Variants in HS6ST2 observed in about 807,000 individuals in gnomAD.
HS6ST2 encodes heparan-sulfate 6-O-sulfotransferase 2.
HS6ST2 carries 17 observed loss-of-function variants against 33.0 expected under a neutral mutation model. The observed-to-expected ratio is 0.52, with a 90% CI of 0.35 to 0.77. The LOEUF is 0.77. HS6ST2 is among the 30% of genes least tolerant of loss of function. The pLI, the probability that HS6ST2 is intolerant of heterozygous loss-of-function variation, is 0.01. For synonymous variants in HS6ST2, 248 were observed against 237.1 expected, an observed-to-expected ratio of 1.05 and a Z score of -0.42; for missense variants, 519 against 551.7, an observed-to-expected ratio of 0.94 and a Z score of 0.59.
intron 2 of HS6ST2, among the ~76,000 whole-genome samples, chrX:132,721,985 G>A (rs1219328546): frequency 2.7e-5 from 3 of 109,743 alleles, no homozygotes; most frequent in Non-Finnish European, 3.8e-5. Context: ...TCAGGAGATC[G>A]AGACCATCTT....
rs148621557 is a variant in HS6ST2, at chrX:132,923,557, A to G, written c.947+33251T>C. 5.4e-3 allele frequency among the ~76,000 whole-genome samples: 609 copies of G among 112,047 alleles called. 2 individuals are homozygous for G. Among genetic ancestry groups the G allele is most frequent in the East Asian group, 0.028 (100 of 3,585 alleles). Reference sequence around the variant, plus strand: ...CCCCAGTGATGTATTTTCTGGCAATATATTTATATTTACAAAACCATAGAC... The same window carrying G: ...CCCCAGTGATGTATTTTCTGGCAATGTATTTATATTTACAAAACCATAGAC... On this transcript the variant is annotated intron_variant, in intron 2 of 4. Transcript: ENST00000370833.
At chrX:132,787,212 TACAC>T (rs1445032716) in intron 2 of HS6ST2, among the ~76,000 whole-genome samples, 3 of 88,512 alleles carry the variant, frequency 3.4e-5, no homozygotes, top group African/African-American at 1.3e-4. Context: ...CATATATATA[TACAC>T]ATATATATAT....
intron 2 of HS6ST2, among the ~76,000 whole-genome samples, chrX:132,835,962 C>T (rs1469119801): frequency 9.0e-6 from 1 of 111,561 alleles, no homozygotes; most frequent in Non-Finnish European, 1.9e-5. Flanking sequence ...TTTCCTGTTT[C>T]GATGCCTCAC....
At chrX:132,729,933 C>T (rs1321853625) in intron 2 of HS6ST2, among the ~76,000 whole-genome samples, 1 of 109,730 alleles carries the variant, frequency 9.1e-6, no homozygotes, top group Non-Finnish European at 1.9e-5. Context: ...GTTCTTGAGG[C>T]TCTAGGTGGT....
chrX:132,859,957 T>C (rs897121733), intron 2 of HS6ST2, among the ~76,000 whole-genome samples: 1 of 109,526 alleles, frequency 9.1e-6, no homozygotes, highest in East Asian at 2.9e-4. Flanking sequence ...AATGGCTCCT[T>C]ATATCCATAC....
intron 3 of HS6ST2, among the ~76,000 whole-genome samples, chrX:132,677,583 G>A (rs992144297): frequency 8.9e-6 from 1 of 112,172 alleles, no homozygotes; most frequent in Non-Finnish European, 1.9e-5. Flanking sequence ...ACTGACTGAC[G>A]CAAACTAGGT....
intron 2 of HS6ST2, among the ~76,000 whole-genome samples, chrX:132,762,628 C>T (rs2064812574): frequency 9.0e-6 from 1 of 111,209 alleles, no homozygotes; most frequent in East Asian, 2.8e-4. Flanking sequence ...GGGACAGGGA[C>T]AAGAATGGCA....
chrX:132,846,257 T>G (rs149773334), intron 2 of HS6ST2, among the ~76,000 whole-genome samples: 1 of 112,201 alleles, frequency 8.9e-6, no homozygotes, highest in Admixed American at 9.4e-5. Context: ...GGATCAAAAA[T>G]TGCACATTTG....
chrX:132,782,603 C>T (rs1240762537), intron 2 of HS6ST2, among the ~76,000 whole-genome samples: 2 of 111,270 alleles, frequency 1.8e-5, no homozygotes, highest in Non-Finnish European at 3.8e-5. Context: ...TGCTGGATTC[C>T]TTTTGGGAGT....
At chrX:132,943,554 A>C (rs1295003382) in intron 2 of HS6ST2, among the ~76,000 whole-genome samples, 1 of 111,308 alleles carries the variant, frequency 9.0e-6, no homozygotes, top group Non-Finnish European at 1.9e-5. Flanking sequence ...GAGACACACA[A>C]AAAAAGCGAA....
intron 2 of HS6ST2, among the ~76,000 whole-genome samples, chrX:132,783,234 ATGAATACCCTGGTGCCTGGTGCT>A (rs1452579986): frequency 3.6e-4 from 40 of 111,973 alleles, no homozygotes; most frequent in African/African-American, 1.3e-3. Flanking sequence ...ATATGGGTGA[ATGAATACCCTGGTGCCTGGTGCT>A]TGGCACACAG....
At chrX:132,940,513 G>T (rs1374331727) in intron 2 of HS6ST2, among the ~76,000 whole-genome samples, 1 of 111,534 alleles carries the variant, frequency 9.0e-6, no homozygotes, top group Admixed American at 9.5e-5. Flanking sequence ...GGGGTAAAAT[G>T]TTTGCAAAGC....
chrX:132,932,918 A>T (rs1030206115), intron 2 of HS6ST2, among the ~76,000 whole-genome samples: 4 of 105,877 alleles, frequency 3.8e-5, no homozygotes, highest in Non-Finnish European at 7.7e-5. Flanking sequence ...TTTATATATA[A>T]TATATTTTTC....
At chrX:132,906,142 T>C (rs780466122) in intron 2 of HS6ST2, among the ~76,000 whole-genome samples, 2 of 112,871 alleles carry the variant, frequency 1.8e-5, no homozygotes, top group Admixed American at 1.9e-4. Context: ...TATCACGTCA[T>C]CTAATCTACA....
intron 4 of HS6ST2, among the ~76,000 whole-genome samples, chrX:132,630,881 G>T (rs921205790): frequency 1.8e-5 from 2 of 111,570 alleles, no homozygotes; most frequent in African/African-American, 3.3e-5. Context: ...GGAGACGGAG[G>T]TTGCAGTGAG....
At chrX:132,876,663 G>A (rs932495209) in intron 2 of HS6ST2, among the ~76,000 whole-genome samples, 2 of 110,480 alleles carry the variant, frequency 1.8e-5, no homozygotes, top group Non-Finnish European at 3.8e-5. Flanking sequence ...ATGGTGGGAG[G>A]GGGGTGAGAG....
chrX:132,935,531 T>A (rs1262763266), intron 2 of HS6ST2, among the ~76,000 whole-genome samples: 1 of 111,915 alleles, frequency 8.9e-6, no homozygotes, highest in Non-Finnish European at 1.9e-5. Flanking sequence ...AGTCAGCTAA[T>A]TTTTTGTATT....
chrX:132,696,137 G>A (rs1176292797), intron 3 of HS6ST2, among the ~76,000 whole-genome samples: 3 of 111,888 alleles, frequency 2.7e-5, no homozygotes, highest in Non-Finnish European at 3.8e-5. Flanking sequence ...AGTATCAAAA[G>A]CGATGAGACG....
chrX:132,809,048 G>A (rs1380018057), intron 2 of HS6ST2, among the ~76,000 whole-genome samples: 2 of 111,979 alleles, frequency 1.8e-5, no homozygotes, highest in African/African-American at 6.5e-5. Context: ...GAGTGCACTG[G>A]TGTGATCTTG....
Sources: gnomAD v4.1 joint callset for allele counts (sites outside exome capture counted in the v4.1 genomes callset) on GRCh38, gnomAD v4.1.1 for gene constraint, MANE v1.5 for transcripts, NCBI Gene and HGNC (gene_info 2026-07-23, HGNC 2026-07-21) for gene names.